The following SDC2 variants were observed in gnomAD, a reference collection of about 807,000 sequenced individuals.
The protein encoded by SDC2 is syndecan 2.
In SDC2, 13 loss-of-function variants were observed where a neutral mutation model predicts 22.2. The observed-to-expected ratio is 0.59, with a 90% CI of 0.38 to 0.93. The LOEUF (loss-of-function observed/expected upper bound fraction) is 0.93, where lower values mean the gene tolerates loss of function less well. SDC2 is among the 40% of genes least tolerant of loss of function. The probability of loss-of-function intolerance (pLI) is 0.00; values close to 1 mark genes in which losing one functional copy is unlikely to be tolerated. For synonymous variants in SDC2, 94 were observed against 92.8 expected (o/e 1.01, Z -0.07); for missense variants, 235 against 246.8 (o/e 0.95, Z 0.32).
At chr8:96,565,654 T>C (rs995192430) in intron 1 of SDC2, among the ~76,000 whole-genome samples, 2 of 152,172 alleles carry the variant, frequency 1.3e-5, no homozygotes, top group African/African-American at 4.8e-5. Flanking sequence ...TTTATATCTG[T>C]GTCTCAGTTT....
chr8:96,497,488 C>G (rs1813094001), intron 1 of SDC2, among the ~76,000 whole-genome samples: 1 of 152,088 alleles, frequency 6.6e-6, no homozygotes, highest in Admixed American at 6.5e-5. Flanking sequence ...TTGATGGTAA[C>G]CACCCTTCGA....
chr8:96,565,982 A>T (rs1814293673), intron 1 of SDC2, among the ~76,000 whole-genome samples: 1 of 151,748 alleles, frequency 6.6e-6, no homozygotes, highest in Non-Finnish European at 1.5e-5. Context: ...CCTGCCCTGT[A>T]CACCACGTAC....
chr8:96,608,408 A>T lies in SDC2; in HGVS notation c.380A>T (p.Asp127Val), dbSNP rs1201365385. Residue 127 changes from aspartate to valine, a missense_variant, in exon 4 of 5, where the codon GAT becomes GTT. Physicochemically the swap from Asp to Val is radical, Grantham distance 152. Transcript: ENST00000302190. ...AGGAAAATGGACCCAGCCGAAGAGG[A>T]TACAAATGTGTATACTGAGAAACAC... Reference protein sequence around the residue: ...SERKMDPAEEDTNVYTEKHSD... With the variant: ...SERKMDPAEEVTNVYTEKHSD... The T allele has an allele frequency of 6.8e-6, 11 of 1,613,916 alleles. No individual in the cohort carries two copies. Among genetic ancestry groups the T allele is most frequent in the Non-Finnish European group, 9.3e-6 (11 of 1,179,896 alleles).
chr8:96,570,563 A>C (rs1814376609), intron 1 of SDC2, among the ~76,000 whole-genome samples: 1 of 152,220 alleles, frequency 6.6e-6, no homozygotes, highest in South Asian at 2.1e-4. Flanking sequence ...AAATGAAGAA[A>C]ATAAAACAAG....
chr8:96,532,083 G>T (rs1813671007), intron 1 of SDC2, among the ~76,000 whole-genome samples: 1 of 152,146 alleles, frequency 6.6e-6, no homozygotes, highest in African/African-American at 2.4e-5. Flanking sequence ...GTGAAGTGAA[G>T]GACAGGCTGC....
chr8:96,516,050 C>T (rs1233419938), intron 1 of SDC2, among the ~76,000 whole-genome samples: 1 of 152,150 alleles, frequency 6.6e-6, no homozygotes, highest in Non-Finnish European at 1.5e-5. Context: ...GTTCGAATCA[C>T]CTTGGGGATT....
chr8:96,570,715 A>G (rs113540763), intron 1 of SDC2, among the ~76,000 whole-genome samples: 6 of 152,234 alleles, frequency 3.9e-5, no homozygotes, highest in African/African-American at 4.8e-5. Flanking sequence ...TATGAAAAAA[A>G]TATATAAAAT....
At chr8:96,516,436 T>C (rs989314148) in intron 1 of SDC2, among the ~76,000 whole-genome samples, 1 of 152,146 alleles carries the variant, frequency 6.6e-6, no homozygotes, top group Non-Finnish European at 1.5e-5. Flanking sequence ...TGAAGTATAA[T>C]GTACCTGCCA....
intron 1 of SDC2, among the ~76,000 whole-genome samples, chr8:96,529,532 G>A (rs182456303): frequency 2.6e-5 from 4 of 152,130 alleles, no homozygotes; most frequent in East Asian, 3.9e-4. Flanking sequence ...AAAATAAAAC[G>A]GCAAACATGG....
chr8:96,556,914 A>C (rs1337474583), intron 1 of SDC2, among the ~76,000 whole-genome samples: 10 of 150,982 alleles, frequency 6.6e-5, no homozygotes, highest in African/African-American at 1.2e-4. Flanking sequence ...CAATGAACTC[A>C]AACAAATTTA....
chr8:96,509,511 A>G (rs1813297647), intron 1 of SDC2, among the ~76,000 whole-genome samples: 2 of 141,584 alleles, frequency 1.4e-5, no homozygotes, highest in Admixed American at 1.4e-4. Context: ...TAGGTTTTCC[A>G]TCTGGGTAGT....
intron 1 of SDC2, among the ~76,000 whole-genome samples, chr8:96,560,293 C>T (rs1294351688): frequency 6.6e-6 from 1 of 152,200 alleles, no homozygotes; most frequent in Non-Finnish European, 1.5e-5. Context: ...CTTGCTAGTA[C>T]TATGACCTTG....
chr8:96,540,698 A>C (rs1044828689), intron 1 of SDC2, among the ~76,000 whole-genome samples: 1 of 152,084 alleles, frequency 6.6e-6, no homozygotes, highest in African/African-American at 2.4e-5. Flanking sequence ...GAGATTTAGC[A>C]ATGTTTTTCT....
intron 1 of SDC2, among the ~76,000 whole-genome samples, chr8:96,503,258 T>C (rs1367371182): frequency 6.6e-6 from 1 of 152,210 alleles, no homozygotes; most frequent in Non-Finnish European, 1.5e-5. Flanking sequence ...TTTGTTGAAG[T>C]CTCTTACTTA....
At chr8:96,605,937 TTTC>T (rs1368883982) in intron 3 of SDC2, among the ~76,000 whole-genome samples, 2 of 152,160 alleles carry the variant, frequency 1.3e-5, no homozygotes, top group Non-Finnish European at 2.9e-5. Context: ...TGTGAGGTCT[TTTC>T]TTCTTACACT....
intron 1 of SDC2, among the ~76,000 whole-genome samples, chr8:96,513,911 TC>T (rs940718064): frequency 2.6e-5 from 4 of 152,206 alleles, no homozygotes; most frequent in African/African-American, 7.2e-5. Flanking sequence ...ATTCAAGCCA[TC>T]AACTGGCTGG....
intron 1 of SDC2, among the ~76,000 whole-genome samples, chr8:96,548,195 T>C (rs1813967171): frequency 6.6e-6 from 1 of 152,236 alleles, no homozygotes; most frequent in African/African-American, 2.4e-5. Flanking sequence ...TTCAGTGGTC[T>C]CAACTGAAGT....
In SDC2 at chr8:96,602,406, G is replaced by A; in HGVS notation, c.184G>A (p.Asp62Asn). 1 of 1,614,104 alleles carries A rather than the reference G, an allele frequency of 6.2e-7. No homozygotes were observed. Among genetic ancestry groups the A allele is most frequent in the Non-Finnish European group, 8.5e-7 (1 of 1,179,988 alleles). The change falls in exon 3 of 5, where the codon GAT becomes AAT. Residue 62 changes from aspartate to asparagine, a missense_variant. Coordinates refer to ENST00000302190, the MANE Select transcript of SDC2 (RefSeq NM_002998.4). ...ASASGSGADE[D>N]VESPELTTSR... ...ACTTACTTTTCCAGGAGCTGATGAG[G>A]ATGTAGAGAGTCCAGAGCTGACAAC...
At chr8:96,566,922 C>T (rs988809019) in intron 1 of SDC2, among the ~76,000 whole-genome samples, 11 of 152,212 alleles carry the variant, frequency 7.2e-5, no homozygotes, top group African/African-American at 2.6e-4. Flanking sequence ...GGCATGATCT[C>T]GGCTCGTTGC....
Sources: allele counts gnomAD v4.1 joint callset (sites outside exome capture counted in the v4.1 genomes callset), GRCh38; gene constraint gnomAD v4.1.1; transcripts MANE v1.5; gene names NCBI Gene and HGNC (gene_info 2026-07-23, HGNC 2026-07-21).